STK3: variants seen among roughly 807,000 people sequenced by gnomAD.
STK3 encodes the protein serine/threonine-protein kinase 3.
In STK3, 41 loss-of-function variants were observed where a neutral mutation model predicts 58.0. The ratio of observed to expected loss-of-function variants is 0.71; its 90% confidence interval spans 0.55 to 0.92. The LOEUF is 0.92. Among genes scored for constraint, STK3 ranks in the 40% least tolerant of loss-of-function variants. STK3 has a pLI of 0.00. For missense variants in STK3, 479 were observed against 602.7 expected (o/e 0.79, Z 2.15); for synonymous variants, 170 against 191.0 (o/e 0.89, Z 0.91).
At chr8:98,589,870 G>A (rs553844643) in intron 7 of STK3, among the ~76,000 whole-genome samples, 10 of 152,190 alleles carry the variant, frequency 6.6e-5, no homozygotes, top group African/African-American at 1.9e-4. Context: ...TCCAGGTGCC[G>A]TCCGTCACTC....
intron 1 of STK3, among the ~76,000 whole-genome samples, chr8:98,919,222 G>C (rs1839458231): frequency 6.6e-6 from 1 of 152,166 alleles, no homozygotes; most frequent in Admixed American, 6.6e-5. Flanking sequence ...TCTTAGAAGA[G>C]GGACATTTTG....
intron 2 of STK3, 67 bp from the exon 3 acceptor site, chr8:98,767,438 A>C: frequency 1.4e-6 from 2 of 1,428,568 alleles, no homozygotes; most frequent in Non-Finnish European, 1.9e-6. Flanking sequence ...AAAGTCTACT[A>C]TGAGTTTTCT....
chr8:98,831,512 C>T (rs916882087), intron 3 of STK3, among the ~76,000 whole-genome samples: 1 of 152,220 alleles, frequency 6.6e-6, no homozygotes, highest in Non-Finnish European at 1.5e-5. Context: ...CCACCTTAGC[C>T]TCCCATAGTG....
chr8:98,466,944 GC>G (rs1364632610), intron 10 of STK3, among the ~76,000 whole-genome samples: 1 of 152,092 alleles, frequency 6.6e-6, no homozygotes, highest in African/African-American at 2.4e-5. Context: ...TACTCCAATG[GC>G]CCTTAGTTAT....
At chr8:98,484,519 A>G (rs1822094106) in intron 10 of STK3, among the ~76,000 whole-genome samples, 1 of 152,216 alleles carries the variant, frequency 6.6e-6, no homozygotes, top group Non-Finnish European at 1.5e-5. Context: ...TCCACATTAA[A>G]TTAGAATATA....
At chr8:98,420,292 G>C (rs1818157012) in intron 3 of STK3, among the ~76,000 whole-genome samples, 2 of 152,162 alleles carry the variant, frequency 1.3e-5, no homozygotes, top group South Asian at 4.1e-4. Context: ...CTGGTTATCA[G>C]ATCAACTGCC....
chr8:98,607,013 T>C (rs555632793), intron 6 of STK3, among the ~76,000 whole-genome samples: 2 of 152,298 alleles, frequency 1.3e-5, no homozygotes, highest in South Asian at 4.1e-4. Context: ...CCCTTGAACT[T>C]GTGGGGTCTG....
the STK3 span, among the ~76,000 whole-genome samples, chr8:98,349,060 A>G: frequency 6.6e-6 from 1 of 152,246 alleles, no homozygotes; most frequent in Non-Finnish European, 1.5e-5. Context: ...AGACAATAGA[A>G]TATTATTTGG....
At chr8:98,661,312 G>A (rs1821950368) in intron 6 of STK3, among the ~76,000 whole-genome samples, 1 of 151,954 alleles carries the variant, frequency 6.6e-6, no homozygotes, top group Non-Finnish European at 1.5e-5. Flanking sequence ...ACATGTCATA[G>A]GCATATAGTA....
intron 3 of STK3, among the ~76,000 whole-genome samples, chr8:98,877,994 A>G (rs1029767802): frequency 1.3e-5 from 2 of 152,164 alleles, no homozygotes; most frequent in Non-Finnish European, 2.9e-5. Flanking sequence ...GACCTGCTCA[A>G]ACTGGTGTTA....
At chr8:98,471,304 A>G (rs1820896506) in intron 10 of STK3, among the ~76,000 whole-genome samples, 1 of 151,280 alleles carries the variant, frequency 6.6e-6, no homozygotes, top group Non-Finnish European at 1.5e-5. Context: ...GCCAGATTTG[A>G]CACTGCAGAT....
At chr8:98,635,050 T>C (rs1019139279) in intron 6 of STK3, among the ~76,000 whole-genome samples, 4 of 151,380 alleles carry the variant, frequency 2.6e-5, no homozygotes, top group Non-Finnish European at 4.4e-5. Flanking sequence ...AGGAAATAAG[T>C]GATGGGTAGG....
chr8:98,420,980 C>A (rs1379165324), intron 3 of STK3, among the ~76,000 whole-genome samples: 2 of 152,202 alleles, frequency 1.3e-5, no homozygotes, highest in African/African-American at 4.8e-5. Context: ...GGATTCATGG[C>A]TAAGGGCAGG....
chr8:98,579,864 T>C (rs1813719937), intron 7 of STK3, 75 bp from the exon 8 acceptor site: 1 of 1,313,490 alleles, frequency 7.6e-7, no homozygotes, highest in South Asian at 1.5e-5. Context: ...TAAAACAACA[T>C]GTAAATGTTA....
At chr8:98,923,278 A>G (rs2132015081) in intron 1 of STK3, among the ~76,000 whole-genome samples, 1 of 152,340 alleles carries the variant, frequency 6.6e-6, no homozygotes, top group East Asian at 1.9e-4. Flanking sequence ...TGTGGGAGTT[A>G]TAATAAAGTT....
chr8:98,737,143 C>G (rs1563944681), intron 4 of STK3, among the ~76,000 whole-genome samples: 1 of 152,040 alleles, frequency 6.6e-6, no homozygotes, highest in African/African-American at 2.4e-5. Context: ...GTTTTTATAT[C>G]TTTTTTTAGA....
At position 98,614,279 on chromosome 8, in the gene STK3, A is replaced by C. The variant is rs11992216; in HGVS notation, c.685-18110T>G. Among the ~76,000 whole-genome samples, 491 of 152,346 alleles carry C rather than the reference A, an allele frequency of 3.2e-3. 4 individuals are homozygous for C. The highest frequency in any genetic ancestry group is 0.011 in the African/African-American group (450 of 41,588). On this transcript the variant is annotated intron_variant, in intron 6 of 10. Coordinates refer to ENST00000419617, the MANE Select transcript of STK3 (RefSeq NM_006281.4). Reference sequence around the variant, plus strand: ...ACCAAGAGAGAACATATACTGAGGCATAAAACATACATCAACAAATTTTAA... The same window carrying C: ...ACCAAGAGAGAACATATACTGAGGCCTAAAACATACATCAACAAATTTTAA...
At chr8:98,628,260 T>C (rs1280896826) in intron 6 of STK3, among the ~76,000 whole-genome samples, 1 of 152,170 alleles carries the variant, frequency 6.6e-6, no homozygotes, top group Non-Finnish European at 1.5e-5. Flanking sequence ...CTTCCTCTCT[T>C]TTCAATTTTC....
intron 6 of STK3, among the ~76,000 whole-genome samples, chr8:98,694,375 G>A (rs1448172446): frequency 6.6e-6 from 1 of 151,800 alleles, no homozygotes; most frequent in Non-Finnish European, 1.5e-5. Context: ...CATACTTTAA[G>A]TTTTAGGGTA....
Sources: allele counts gnomAD v4.1 joint callset (sites outside exome capture counted in the v4.1 genomes callset), GRCh38; gene constraint gnomAD v4.1.1; transcripts MANE v1.5; gene names NCBI Gene and HGNC (gene_info 2026-07-23, HGNC 2026-07-21).